Variants in GRB10 observed in about 807,000 individuals in gnomAD.
The protein encoded by GRB10 is growth factor receptor bound protein 10.
GRB10 carries 20 observed loss-of-function variants against 80.9 expected under a neutral mutation model. The observed-to-expected ratio is 0.25, with a 90% CI of 0.17 to 0.36. GRB10 has a LOEUF of 0.36. Among genes scored for constraint, GRB10 ranks in the 10% least tolerant of loss-of-function variants. The pLI is 1.00. For synonymous variants in GRB10, 291 were observed against 291.5 expected (o/e 1.00, Z 0.02); for missense variants, 548 against 747.7 (o/e 0.73, Z 3.12).
intron 4 of GRB10, among the ~76,000 whole-genome samples, chr7:50,718,871 T>C (rs1416053338): frequency 6.6e-6 from 1 of 152,094 alleles, no homozygotes; most frequent in Non-Finnish European, 1.5e-5. Flanking sequence ...TCAAAATCTT[T>C]ACCCAAGGGT....
intron 4 of GRB10, among the ~76,000 whole-genome samples, chr7:50,706,212 G>A (rs1160104024): frequency 6.6e-6 from 1 of 152,190 alleles, no homozygotes; most frequent in Non-Finnish European, 1.5e-5. Flanking sequence ...AAGTGAGATT[G>A]TGTAAATAAT....
At chr7:50,604,838 AGCC>A in intron 15 of GRB10, 1 of 292,324 alleles carries the variant, frequency 3.4e-6, no homozygotes, top group Non-Finnish European at 6.5e-6. Context: ...AGGACTTAGA[AGCC>A]GAGTGATAGT....
At chr7:50,741,669 A>G (rs1057299549) in intron 3 of GRB10, among the ~76,000 whole-genome samples, 1 of 152,192 alleles carries the variant, frequency 6.6e-6, no homozygotes, top group East Asian at 1.9e-4. Context: ...AATTAGGACA[A>G]TGCACACCCC....
At chr7:50,729,879 C>T (rs564687994) in intron 4 of GRB10, among the ~76,000 whole-genome samples, 15 of 152,230 alleles carry the variant, frequency 9.9e-5, no homozygotes, top group East Asian at 9.6e-4. Flanking sequence ...ATCTGTCTGC[C>T]GAGCTCAAAG....
At chr7:50,634,016 T>C (rs2054492137) in intron 7 of GRB10, among the ~76,000 whole-genome samples, 1 of 152,190 alleles carries the variant, frequency 6.6e-6, no homozygotes, top group Non-Finnish European at 1.5e-5. Flanking sequence ...GATGTAGATA[T>C]GCAGATACAA....
intron 2 of GRB10, chr7:50,779,320 CATTTT>C (rs1424652234): frequency 6.6e-6 from 1 of 152,144 alleles, no homozygotes; most frequent in Non-Finnish European, 1.5e-5. Context: ...TTAGAAGCTG[CATTTT>C]ATTATCAGCC....
At chr7:50,772,910 A>C (rs1201913351) in intron 2 of GRB10, among the ~76,000 whole-genome samples, 1 of 152,236 alleles carries the variant, frequency 6.6e-6, no homozygotes, top group Non-Finnish European at 1.5e-5. Context: ...TGAGTAACAA[A>C]AAGCAAATCA....
At chr7:50,597,537 C>A (rs1041439289) in intron 17 of GRB10, among the ~76,000 whole-genome samples, 3 of 152,254 alleles carry the variant, frequency 2.0e-5, no homozygotes, top group African/African-American at 7.2e-5. Context: ...TGTGGGGCGT[C>A]CCTTTCTCTG....
chr7:50,624,808 G>A (rs1438355815), intron 8 of GRB10, among the ~76,000 whole-genome samples: 3 of 151,990 alleles, frequency 2.0e-5, no homozygotes, highest in African/African-American at 7.3e-5. Flanking sequence ...TGTGAGGTTC[G>A]TTATTTTTTT....
chr7:50,703,721 G>T, intron 5 of GRB10, 100 bp downstream of exon 5: 1 of 821,170 alleles, frequency 1.2e-6, no homozygotes, highest in Non-Finnish European at 2.1e-6. Flanking sequence ...TGTTAGAATT[G>T]TAATCTATTA....
chr7:50,726,399 AAAAAAAC>A (rs2068659818), intron 4 of GRB10, among the ~76,000 whole-genome samples: 1 of 152,162 alleles, frequency 6.6e-6, no homozygotes, highest in South Asian at 2.1e-4. Flanking sequence ...CTCTGTCTCA[AAAAAAAC>A]AAAAAACAAA....
chr7:50,741,340 A>T (rs2071694001), intron 3 of GRB10, among the ~76,000 whole-genome samples: 1 of 152,180 alleles, frequency 6.6e-6, no homozygotes, highest in South Asian at 2.1e-4. Flanking sequence ...CACAAAGAAG[A>T]GTAGTGCATT....
At chr7:50,647,915 G>T (rs2057443363) in intron 7 of GRB10, among the ~76,000 whole-genome samples, 4 of 152,194 alleles carry the variant, frequency 2.6e-5, no homozygotes. Context: ...GCTCTGAGAT[G>T]GGAATTTGGA....
chr7:50,781,892 G>C (rs868162641), intron 1 of GRB10, among the ~76,000 whole-genome samples: 1 of 152,366 alleles, frequency 6.6e-6, no homozygotes, highest in Middle Eastern at 3.4e-3. Context: ...GGTTTTCATG[G>C]AGAAAGAGGC....
chr7:50,669,855 T>C lies in GRB10; in HGVS notation c.371A>G (p.Gln124Arg). The C allele has an allele frequency of 6.2e-7, 1 of 1,611,534 alleles. No individual in the cohort carries two copies. The highest frequency in any genetic ancestry group is 8.5e-7 in the Non-Finnish European group (1 of 1,178,838). The change falls in exon 7 of 19, where the codon CAG (glutamine) becomes CGG (arginine). Residue 124 changes from glutamine (Q) to arginine (R), a missense_variant. Coordinates refer to ENST00000401949, the MANE Select transcript of GRB10 (RefSeq NM_001350814.2). ...PVHILAVRRLQEEDQQFRTSS... is the reference protein window; with the variant it reads ...PVHILAVRRLREEDQQFRTSS... Reference sequence around the variant, plus strand: ...GGTTCTAAACTGCTGGTCTTCCTCCTGAAGGCGCCTGGAAGGCAGGGATAA... The same window carrying C: ...GGTTCTAAACTGCTGGTCTTCCTCCCGAAGGCGCCTGGAAGGCAGGGATAA...
rs182409281 is a variant in GRB10, at chr7:50,788,851, C to T, written c.-294+4373G>A. ...CCTCTGTAAGAGTCCAGACACCAAC[C>T]GTGGGGGCCTGAAGACAAATGCCAC... On this transcript the variant is annotated intron_variant, in intron 1 of 16. Coordinates refer to the GRB10 transcript ENST00000335866. 4.9e-3 allele frequency among the ~76,000 whole-genome samples: 752 copies of T among 152,260 alleles called. 3 individuals carry two copies. Among genetic ancestry groups the T allele is most frequent in the Non-Finnish European group, 7.9e-3 (536 of 68,020 alleles).
intron 5 of GRB10, among the ~76,000 whole-genome samples, chr7:50,679,333 G>A (rs2061307939): frequency 6.6e-6 from 1 of 152,212 alleles, no homozygotes; most frequent in Admixed American, 6.5e-5. Context: ...CATGCAGCAG[G>A]CTAGGTGTGC....
At chr7:50,734,572 T>C (rs1482399521) in intron 3 of GRB10, among the ~76,000 whole-genome samples, 1 of 152,234 alleles carries the variant, frequency 6.6e-6, no homozygotes, top group African/African-American at 2.4e-5. Flanking sequence ...CTGGATGTGT[T>C]TGACATATAG....
Position 50,762,844 on chromosome 7 carries a change from G to A in GRB10, c.-216-6788C>T, listed in dbSNP as rs915698338. ...AAGACAGGCAAAAAGCCGGCGGGGC[G>A]CAGTGGCTCACGCCTGTAATCCCTG... On this transcript the variant is annotated intron_variant, in intron 2 of 18. Transcript: ENST00000401949. Among the ~76,000 whole-genome samples, 76 of 152,360 alleles carry A rather than the reference G, an allele frequency of 5.0e-4. 1 individual carries two copies. Among genetic ancestry groups the A allele is most frequent in the Non-Finnish European group, 1.8e-4 (12 of 68,036 alleles).
Sources: gnomAD v4.1 joint callset for allele counts (sites outside exome capture counted in the v4.1 genomes callset) on GRCh38, gnomAD v4.1.1 for gene constraint, MANE v1.5 for transcripts, NCBI Gene and HGNC (gene_info 2026-07-23, HGNC 2026-07-21) for gene names.